CACNB2: variants seen among roughly 807,000 people sequenced by gnomAD.
CACNB2 encodes voltage-dependent L-type calcium channel subunit beta-2.
A neutral mutation model predicts 73.3 loss-of-function variants in CACNB2; 42 were observed. The ratio of observed to expected loss-of-function variants is 0.57; its 90% CI spans 0.45 to 0.74. The LOEUF (loss-of-function observed/expected upper bound fraction) is 0.74, where lower values mean the gene tolerates loss of function less well. Among genes scored for constraint, CACNB2 ranks in the 30% least tolerant of loss-of-function variants. The probability of loss-of-function intolerance (pLI) is 0.00; values close to 1 mark genes in which losing one functional copy is unlikely to be tolerated. For synonymous variants in CACNB2, 348 were observed against 310.3 expected, an observed-to-expected ratio of 1.12 and a Z score of -1.28; for missense variants, 940 against 853.0, an observed-to-expected ratio of 1.10 and a Z score of -1.27.
At chr10:18,273,737 A>G (rs1252976217) in intron 2 of CACNB2, among the ~76,000 whole-genome samples, 1 of 152,226 alleles carries the variant, frequency 6.6e-6, no homozygotes, top group Non-Finnish European at 1.5e-5. Context: ...GATTTTACTC[A>G]GATATTCAGT....
intron 2 of CACNB2, among the ~76,000 whole-genome samples, chr10:18,171,051 C>A (rs1021358326): frequency 6.6e-6 from 1 of 152,160 alleles, no homozygotes; most frequent in Non-Finnish European, 1.5e-5. Flanking sequence ...GCACACTCTG[C>A]CTACCTGCAG....
intron 2 of CACNB2, among the ~76,000 whole-genome samples, chr10:18,311,771 CCA>C (rs894241008): frequency 7.2e-5 from 11 of 152,036 alleles, no homozygotes; most frequent in African/African-American, 2.2e-4. Flanking sequence ...ATAAGTGGAC[CCA>C]CATGGTTCAA....
intron 7 of CACNB2, among the ~76,000 whole-genome samples, chr10:18,515,277 G>C (rs2051163542): frequency 6.6e-6 from 1 of 152,098 alleles, no homozygotes; most frequent in African/African-American, 2.4e-5. Context: ...CCATTTTGTA[G>C]CTTTAAAGCA....
rs58345605 is a variant in CACNB2, at chr10:18,172,924, C to CTTTTTTTTTTTTTTTTTTTTT, written c.213+21964_213+21965insTTTTTTTTTTTTTTTTTTTTT. Among the ~76,000 whole-genome samples the CTTTTTTTTTTTTTTTTTTTTT allele has an allele frequency of 1.8e-4, 21 of 117,472 alleles. 1 individual carries two copies. Among genetic ancestry groups the CTTTTTTTTTTTTTTTTTTTTT allele is most frequent in the Non-Finnish European group, 2.4e-4 (14 of 58,956 alleles). The allele number at this position is 117,472 out of a possible 152,430, so 77.1% of individuals were successfully genotyped here. ...CTTCAAATAGGGAAAATAATAAGGC[C>CTTTTTTTTTTTTTTTTTTTTT]TTTTTTTTTTTTTTTAAATGGAGTT... On this transcript the variant is annotated intron_variant, in intron 2 of 13. Transcript: ENST00000324631.
intron 2 of CACNB2, among the ~76,000 whole-genome samples, chr10:18,220,259 A>AAT (rs1331673487): frequency 1.7e-4 from 22 of 125,982 alleles, no homozygotes; most frequent in African/African-American, 6.2e-4. Context: ...AGAGAGAGAG[A>AAT]GAGAGAGAGA....
At chr10:18,248,792 G>T (rs576502569) in intron 2 of CACNB2, among the ~76,000 whole-genome samples, 1 of 151,988 alleles carries the variant, frequency 6.6e-6, no homozygotes, top group South Asian at 2.1e-4. Context: ...CTGAGTTCCC[G>T]TGATGGAGAC....
intron 2 of CACNB2, among the ~76,000 whole-genome samples, chr10:18,298,283 C>T (rs902959080): frequency 1.3e-5 from 2 of 151,926 alleles, no homozygotes; most frequent in South Asian, 4.2e-4. Context: ...GCAGGAGAAT[C>T]ACCTGAATCC....
chr10:18,285,841 G>A (rs188596696), intron 2 of CACNB2, among the ~76,000 whole-genome samples: 1 of 152,216 alleles, frequency 6.6e-6, no homozygotes, highest in African/African-American at 2.4e-5. Flanking sequence ...TAATATTGCT[G>A]TTCATTAGTT....
chr10:18,532,845 C>G (rs1335198093), intron 10 of CACNB2, among the ~76,000 whole-genome samples: 1 of 152,032 alleles, frequency 6.6e-6, no homozygotes, highest in Admixed American at 6.6e-5. Context: ...TCTTTGTGAT[C>G]AGATTTCTTA....
In CACNB2 at chr10:18,515,606, G is replaced by A. The variant is rs571829908; in HGVS notation, c.804+1237G>A. On this transcript the variant is annotated intron_variant, in intron 7 of 13. Coordinates refer to ENST00000324631, the MANE Select transcript of CACNB2 (RefSeq NM_201596.3). ...GAATCAATTATGATTATTTTAATAA[G>A]GGAAAACTTCAGCACTCTGGGCAAA... is the stretch of plus-strand genomic sequence containing the variant. 9.8e-5 allele frequency among the ~76,000 whole-genome samples: 15 copies of A among 152,326 alleles called. No individual in the cohort carries two copies. In the South Asian group the frequency reaches 2.3e-3, roughly 23 times the overall value.
At chr10:18,513,781 T>C (rs112203634) in intron 6 of CACNB2, 2,801 of 240,032 alleles carry the variant, frequency 0.012, 78 homozygotes, top group African/African-American at 0.058. Flanking sequence ...CAATATCAAA[T>C]GGCAAATTCC....
chr10:18,518,487 C>T (rs1382715433), intron 8 of CACNB2, 71 bp downstream of exon 8: 9 of 1,039,250 alleles, frequency 8.7e-6, no homozygotes, highest in African/African-American at 4.7e-5. Context: ...CTCCTACTCC[C>T]GACCCTCTCT....
At chr10:18,216,785 C>G (rs1446569093) in intron 2 of CACNB2, among the ~76,000 whole-genome samples, 1 of 152,060 alleles carries the variant, frequency 6.6e-6, no homozygotes, top group East Asian at 1.9e-4. Context: ...CTCCAAATTC[C>G]AAAACAGAGG....
rs113578573 is a variant in CACNB2 at position 18,264,016 on chromosome 10, G to T, written c.213+113041G>T. Among the ~76,000 whole-genome samples, 218 of 152,278 alleles carry T rather than the reference G, an allele frequency of 1.4e-3. 2 individuals carry two copies. The highest frequency in any genetic ancestry group is 4.8e-3 in the African/African-American group (198 of 41,548). On this transcript the variant is annotated intron_variant, in intron 2 of 13. Transcript: ENST00000324631. ...TAAACTGTCTTGCTATTTCGTTAAG[G>T]ACATGAAAATCTGTGAGCTGAATAA...
At chr10:18,258,686 A>G (rs2037388477) in intron 2 of CACNB2, among the ~76,000 whole-genome samples, 2 of 152,194 alleles carry the variant, frequency 1.3e-5, no homozygotes, top group African/African-American at 4.8e-5. Flanking sequence ...AGATCATGCC[A>G]CTGCACTCGA....
At chr10:18,536,243 C>CTTTTTTTTCTTTTTTTT (rs2053566375) in intron 12 of CACNB2, 47 bp downstream of exon 12, 1 of 248,580 alleles carries the variant, frequency 4.0e-6, no homozygotes, top group African/African-American at 6.8e-5. Context: ...GAGATCAGAC[C>CTTTTTTTTCTTTTTTTT]TTTTTTTTTT....
chr10:18,513,850 GTTGT>G (rs1160214835), intron 6 of CACNB2, among the ~76,000 whole-genome samples: 31 of 152,318 alleles, frequency 2.0e-4, no homozygotes, highest in African/African-American at 6.5e-4. Context: ...TTTCAAAGTA[GTTGT>G]TTGTTATCTC....
chr10:18,447,152 C>T (rs2046776982), intron 3 of CACNB2, among the ~76,000 whole-genome samples: 1 of 151,984 alleles, frequency 6.6e-6, no homozygotes, highest in Non-Finnish European at 1.5e-5. Context: ...TGGTGTACTA[C>T]ATTTGGAGGA....
intron 2 of CACNB2, among the ~76,000 whole-genome samples, chr10:18,216,019 G>A (rs559264448): frequency 6.6e-6 from 1 of 152,204 alleles, no homozygotes; most frequent in South Asian, 2.1e-4. Flanking sequence ...CTTGAGGCCA[G>A]GTGTGGTGGC....
Sources: gnomAD v4.1 joint callset for allele counts (sites outside exome capture counted in the v4.1 genomes callset) on GRCh38, gnomAD v4.1.1 for gene constraint, MANE v1.5 for transcripts, NCBI Gene and HGNC (gene_info 2026-07-23, HGNC 2026-07-21) for gene names.